Variants in BLTP1 observed in about 807,000 individuals in gnomAD.
BLTP1 encodes fragile site-associated protein.
chr4:122,185,844 TATAAC>T, the BLTP1 span: 1 of 192,338 alleles, frequency 5.2e-6, no homozygotes, highest in African/African-American at 2.4e-5. Flanking sequence ...TAAATTAAAA[TATAAC>T]AGAAACATCA....
the BLTP1 span, among the ~76,000 whole-genome samples, chr4:122,217,508 TTTTG>T: frequency 6.6e-6 from 1 of 152,166 alleles, no homozygotes. Flanking sequence ...TTGTTTCTAA[TTTTG>T]TTTATGTGAT....
chr4:122,177,401 C>G, the BLTP1 span, among the ~76,000 whole-genome samples: 9 of 152,250 alleles, frequency 5.9e-5, no homozygotes, highest in East Asian at 1.7e-3. Context: ...TGCACTTGTT[C>G]CTCAACCTGC....
At chr4:122,265,298 A>G in the BLTP1 span, among the ~76,000 whole-genome samples, 4 of 152,206 alleles carry the variant, frequency 2.6e-5, no homozygotes, top group Non-Finnish European at 5.9e-5. Context: ...TAGATTACTT[A>G]TAATACCTAA....
chr4:122,235,274 A>AT, the BLTP1 span: 2 of 896,108 alleles, frequency 2.2e-6, no homozygotes, highest in Non-Finnish European at 2.7e-6. Flanking sequence ...TCCTCACAGA[A>AT]TTTTTTCTAA....
chr4:122,342,360 T>G, the BLTP1 span, among the ~76,000 whole-genome samples: 1 of 149,714 alleles, frequency 6.7e-6, no homozygotes, highest in South Asian at 2.2e-4. Flanking sequence ...ATTTATTTAT[T>G]TATTTTTTTT....
At chr4:122,197,879 A>G in the BLTP1 span, 3 of 734,524 alleles carry the variant, frequency 4.1e-6, no homozygotes, top group Non-Finnish European at 3.3e-6. Context: ...ACTTTTTGTT[A>G]AATTTATCAA....
chr4:122,227,441 G>A, the BLTP1 span: 3 of 985,062 alleles, frequency 3.0e-6, no homozygotes, highest in Non-Finnish European at 3.6e-6. Context: ...ATGAATTTGG[G>A]GAGGGAGGCA....
the BLTP1 span, chr4:122,300,945 TA>T: frequency 1.0e-6 from 1 of 982,096 alleles, no homozygotes; most frequent in Non-Finnish European, 1.2e-6. Flanking sequence ...GCTCTCTTAA[TA>T]GTAACTTCAC....
chr4:122,326,134 A>T, the BLTP1 span, among the ~76,000 whole-genome samples: 14 of 151,790 alleles, frequency 9.2e-5, no homozygotes, highest in Non-Finnish European at 2.1e-4. Flanking sequence ...TAAATCAGCT[A>T]ATCAAATCAA....
the BLTP1 span, chr4:122,254,986 CA>C: frequency 1.3e-6 from 2 of 1,529,968 alleles, no homozygotes; most frequent in Non-Finnish European, 8.9e-7. Context: ...AGGTATTATA[CA>C]AACTTTAGTA....
the BLTP1 span, chr4:122,347,477 CCT>C: frequency 6.3e-7 from 1 of 1,575,480 alleles, no homozygotes; most frequent in Admixed American, 1.8e-5. Flanking sequence ...GGGATTTTAC[CCT>C]GTTACTTTGG....
At chr4:122,247,145 T>C in the BLTP1 span, 1 of 1,599,766 alleles carries the variant, frequency 6.3e-7, no homozygotes, top group East Asian at 2.2e-5. Flanking sequence ...TTACTCTCTT[T>C]TTTTTCATAA....
the BLTP1 span, chr4:122,152,949 C>G: frequency 1.0e-6 from 1 of 974,302 alleles, no homozygotes; most frequent in South Asian, 4.8e-5. Flanking sequence ...TGTAGTAGAC[C>G]CCATGCTGCT....
At chr4:122,343,464 C>T in the BLTP1 span, 2 of 1,614,054 alleles carry the variant, frequency 1.2e-6, no homozygotes, top group Non-Finnish European at 1.7e-6. Context: ...AGTAGTCAGT[C>T]AGACCTGACC....
the BLTP1 span, chr4:122,286,570 C>T: frequency 6.2e-7 from 1 of 1,613,988 alleles, no homozygotes; most frequent in Non-Finnish European, 8.5e-7. Context: ...ATTTGAGCTG[C>T]CAAATCACAG....
the BLTP1 span, chr4:122,200,005 CACTA>C: frequency 1.1e-5 from 11 of 976,736 alleles, no homozygotes; most frequent in Non-Finnish European, 1.3e-5. Context: ...GGGACAACAA[CACTA>C]ACAATAACAA....
At chr4:122,153,326 G>C in the BLTP1 span, among the ~76,000 whole-genome samples, 3 of 152,198 alleles carry the variant, frequency 2.0e-5, no homozygotes, top group African/African-American at 7.2e-5. Flanking sequence ...CCTGTGCATA[G>C]CAATGAAGTT....
the BLTP1 span, chr4:122,336,943 A>T: frequency 6.2e-7 from 1 of 1,612,460 alleles, no homozygotes; most frequent in Non-Finnish European, 8.5e-7. Flanking sequence ...GGAAGAATCA[A>T]CAACATCACT....
At chr4:122,302,901 A>C in the BLTP1 span, among the ~76,000 whole-genome samples, 1 of 152,350 alleles carries the variant, frequency 6.6e-6, no homozygotes, top group East Asian at 1.9e-4. Context: ...AAGCTGCAAA[A>C]GAAAACTTGG....
Sources: gnomAD v4.1 joint callset for allele counts (sites outside exome capture counted in the v4.1 genomes callset) on GRCh38, gnomAD v4.1.1 for gene constraint, MANE v1.5 for transcripts, NCBI Gene and HGNC (gene_info 2026-07-23, HGNC 2026-07-21) for gene names.